CBFA2T3: variants seen among roughly 807,000 people sequenced by gnomAD.
CBFA2T3 encodes the protein transcriptional corepressor CBFA2T3.
CBFA2T3 carries 31 observed loss-of-function variants against 58.6 expected under a neutral mutation model. The ratio of observed to expected loss-of-function variants is 0.53; its 90% CI spans 0.40 to 0.71. The LOEUF is 0.71. Among genes scored for constraint, CBFA2T3 ranks in the 30% least tolerant of loss-of-function variants. The probability of loss-of-function intolerance (pLI) is 0.00; values close to 1 mark genes in which losing one functional copy is unlikely to be tolerated. For synonymous variants in CBFA2T3, 531 were observed against 421.9 expected, an observed-to-expected ratio of 1.26 and a Z score of -3.17; for missense variants, 1,076 against 963.1, an observed-to-expected ratio of 1.12 and a Z score of -1.55.
chr16:88,958,207 G>A lies in CBFA2T3; in HGVS notation c.151+18450C>T, dbSNP rs113220823. 0.017 allele frequency among the ~76,000 whole-genome samples: 2,622 copies of A among 152,270 alleles called. 47 individuals carry two copies. The highest frequency in any genetic ancestry group is 0.022 in the East Asian group (115 of 5,178). On this transcript the variant is annotated intron_variant, in intron 1 of 11. Transcript: ENST00000268679. The surrounding 1 kb of genome is among the most constrained non-coding windows in gnomAD (Gnocchi z 4.0). ...GCCTCAGACGGCAGAAACCTATCCC[G>A]AGAGGAAAGGGCCCTGGGCACAGGC... is the stretch of plus-strand genomic sequence containing the variant.
chr16:88,973,300 G>T (rs1303926546), intron 1 of CBFA2T3, among the ~76,000 whole-genome samples: 1 of 152,208 alleles, frequency 6.6e-6, no homozygotes, highest in Admixed American at 6.5e-5. Context: ...GGAGGAGACG[G>T]CCTTGCAAAG....
Position 88,977,189 on chromosome 16 carries a change from C to T in CBFA2T3, c.-382G>A. On this transcript the variant is annotated 5_prime_UTR_variant, in exon 1 of 12. Coordinates refer to ENST00000268679, the MANE Select transcript of CBFA2T3 (RefSeq NM_005187.6). ...TGGGGCCCTGCCCTGCGCGGCCTTC[C>T]CTCGGGCCATTCCGGTTTGACCTTC... is the stretch of plus-strand genomic sequence containing the variant. 3.7e-6 allele frequency: 1 copy of T among 269,306 alleles called. No homozygotes were observed. The highest frequency in any genetic ancestry group is 7.2e-6 in the Non-Finnish European group (1 of 139,606). 16.7% of individuals were successfully genotyped at this position (269,306 alleles called of 1,614,324 possible).
At chr16:88,895,009 G>C (rs529964011) in intron 3 of CBFA2T3, among the ~76,000 whole-genome samples, 1 of 152,302 alleles carries the variant, frequency 6.6e-6, no homozygotes, top group African/African-American at 2.4e-5. Context: ...TCCTGACCTG[G>C]CCCCTGGGAG....
chr16:88,926,852 G>T (rs1174550473), intron 1 of CBFA2T3, among the ~76,000 whole-genome samples: 1 of 152,196 alleles, frequency 6.6e-6, no homozygotes, highest in African/African-American at 2.4e-5. Flanking sequence ...CCTGTCCCTT[G>T]TGCCCCACCT....
At chr16:88,956,995 C>T (rs1567634179) in intron 1 of CBFA2T3, among the ~76,000 whole-genome samples, 2 of 142,334 alleles carry the variant, frequency 1.4e-5, no homozygotes, top group African/African-American at 2.8e-5. Context: ...AGCCTGAAGT[C>T]GGCTGAACCA....
At chr16:88,939,468 C>T (rs1185466819) in intron 1 of CBFA2T3, 1 of 152,330 alleles carries the variant, frequency 6.6e-6, no homozygotes, top group African/African-American at 2.4e-5. Flanking sequence ...CACATCTGTT[C>T]CTCCTGCTCT....
chr16:88,917,612 T>C (rs900492691), intron 1 of CBFA2T3, among the ~76,000 whole-genome samples: 3 of 152,216 alleles, frequency 2.0e-5, no homozygotes, highest in African/African-American at 7.2e-5. Context: ...CCTTGAACTC[T>C]GCAGAGGGCG....
At chr16:88,974,289 C>T (rs368632589) in intron 1 of CBFA2T3, among the ~76,000 whole-genome samples, 12 of 152,316 alleles carry the variant, frequency 7.9e-5, no homozygotes, top group African/African-American at 9.6e-5. Flanking sequence ...AACCCAGCAC[C>T]GCAAGCACCG....
intron 1 of CBFA2T3, among the ~76,000 whole-genome samples, chr16:88,943,771 T>C (rs749515612): frequency 2.0e-5 from 3 of 152,214 alleles, no homozygotes; most frequent in Admixed American, 6.5e-5. Flanking sequence ...AGAACTGGTT[T>C]CTTGCCCTGG....
chr16:88,930,606 C>A (rs1196302487), intron 1 of CBFA2T3, among the ~76,000 whole-genome samples: 2 of 150,658 alleles, frequency 1.3e-5, no homozygotes, highest in East Asian at 3.9e-4. Context: ...GGCCCCGTCA[C>A]CTTCATCCGC....
chr16:88,971,783 G>A (rs989225000), intron 1 of CBFA2T3, among the ~76,000 whole-genome samples: 7 of 152,184 alleles, frequency 4.6e-5, no homozygotes, highest in African/African-American at 7.2e-5. Context: ...GAGGAGCACT[G>A]GCCGGCGAGT....
At chr16:88,932,091 CT>C (rs1168246195) in intron 1 of CBFA2T3, among the ~76,000 whole-genome samples, 3 of 152,166 alleles carry the variant, frequency 2.0e-5, no homozygotes, top group Non-Finnish European at 2.9e-5. Flanking sequence ...ACGTGCGCCC[CT>C]GGCAACGGCA....
At chr16:88,894,862 A>G (rs1969824218) in intron 3 of CBFA2T3, among the ~76,000 whole-genome samples, 1 of 152,208 alleles carries the variant, frequency 6.6e-6, no homozygotes, top group Middle Eastern at 3.2e-3. Flanking sequence ...AACCCTTTCT[A>G]CAGGATGGAG....
At chr16:88,913,382 G>A (rs1183768995) in intron 1 of CBFA2T3, among the ~76,000 whole-genome samples, 1 of 152,256 alleles carries the variant, frequency 6.6e-6, no homozygotes, top group Non-Finnish European at 1.5e-5. Flanking sequence ...AAAGAACTGT[G>A]AGCCAAAGAA....
rs1168363823 is a variant in CBFA2T3, at chr16:88,888,661, C to T, written c.712-2519G>A. Among the ~76,000 whole-genome samples, 21 of 120,040 alleles carry T rather than the reference C, an allele frequency of 1.7e-4. 1 individual carries two copies. Among genetic ancestry groups the T allele is most frequent in the Admixed American group, 1.7e-3 (20 of 11,510 alleles). 78.8% of individuals were successfully genotyped at this position (120,040 alleles called of 152,430 possible). A position where few individuals can be genotyped will look rare whatever the true frequency, so the allele number is the denominator to read the frequency against. ...GGACAGTGACAGTAGGGCCAGGGTT[C>T]TGGCTTGTATCTGAGCCACAAGACC... On this transcript the variant is annotated intron_variant, in intron 5 of 11. Coordinates refer to ENST00000268679, the MANE Select transcript of CBFA2T3 (RefSeq NM_005187.6).
intron 1 of CBFA2T3, among the ~76,000 whole-genome samples, chr16:88,934,196 C>G (rs986728075): frequency 1.3e-5 from 2 of 151,534 alleles, no homozygotes; most frequent in Non-Finnish European, 2.9e-5. Context: ...CCACGCCCCT[C>G]GGCACACGGA....
chr16:88,964,850 C>A (rs1972455342), intron 1 of CBFA2T3, among the ~76,000 whole-genome samples: 1 of 151,806 alleles, frequency 6.6e-6, no homozygotes, highest in South Asian at 2.1e-4. Context: ...ACCCATCCAT[C>A]CACTCACCCA....
chr16:88,877,392 C>T, intron 11 of CBFA2T3, 117 bp from the exon 12 acceptor site: 2 of 812,534 alleles, frequency 2.5e-6, no homozygotes, highest in Admixed American at 2.9e-5. Context: ...AAGAGAGAAA[C>T]TCCAAAGCCC....
chr16:88,876,820 C>A lies in CBFA2T3; in HGVS notation c.*156G>T. The A allele has an allele frequency of 1.8e-6, 1 of 550,028 alleles. No homozygotes were observed. 34.1% of individuals were successfully genotyped at this position (550,028 alleles called of 1,614,324 possible). On this transcript the variant is annotated 3_prime_UTR_variant, in exon 12 of 12. Coordinates refer to ENST00000268679, the MANE Select transcript of CBFA2T3 (RefSeq NM_005187.6). ...TTCTGTGTCTTCTTTCGGAGAGGGGCAGTAGCAGCAGTGACTAATTGGTCG... is the reference window on the plus strand; with the variant it reads ...TTCTGTGTCTTCTTTCGGAGAGGGGAAGTAGCAGCAGTGACTAATTGGTCG...
Sources: allele counts gnomAD v4.1 joint callset (sites outside exome capture counted in the v4.1 genomes callset), GRCh38; gene constraint gnomAD v4.1.1; non-coding constraint Gnocchi (gnomAD v3.1); transcripts MANE v1.5; gene names NCBI Gene and HGNC (gene_info 2026-07-23, HGNC 2026-07-21).